Variants in LANCL1 observed in about 807,000 individuals in gnomAD.
LANCL1 encodes the protein LanC like glutathione S-transferase 1.
In LANCL1, 50 loss-of-function variants were observed where a neutral mutation model predicts 50.6. The observed-to-expected ratio is 0.99, with a 90% confidence interval of 0.79 to 1.25. LANCL1 has a LOEUF of 1.25. Ranked by LOEUF, LANCL1 falls within the 50% of genes most tolerant of loss-of-function variation. LANCL1 has a pLI of 0.00. For missense variants in LANCL1, 532 were observed against 480.7 expected (o/e 1.11, Z -1.00); for synonymous variants, 188 against 178.6 (o/e 1.05, Z -0.42).
At chr2:210,472,285 T>C (rs940121644) in intron 2 of LANCL1, among the ~76,000 whole-genome samples, 5 of 152,226 alleles carry the variant, frequency 3.3e-5, no homozygotes, top group Non-Finnish European at 7.3e-5. Flanking sequence ...ATGTTTTAAA[T>C]AAAATTTTTA....
Position 210,476,431 on chromosome 2 carries a change from A to G in LANCL1, c.-16-19T>C, listed in dbSNP as rs750949121. ...AGCAAGCCTGCAGAACAGGGGAAAA[A>G]CAGAAACTAGGTTGAGATAGGGGCC... On this transcript the variant is annotated intron_variant, in intron 1 of 9. Transcript: ENST00000450366. 5 of 1,608,278 alleles carry G rather than the reference A, an allele frequency of 3.1e-6. No individual in the cohort carries two copies. In the South Asian group the frequency reaches 5.5e-5, roughly 18 times the overall value.
At chr2:210,457,625 T>C (rs1412357272) in intron 3 of LANCL1, among the ~76,000 whole-genome samples, 2 of 152,308 alleles carry the variant, frequency 1.3e-5, no homozygotes, top group East Asian at 1.9e-4. Context: ...GAAAAAATTA[T>C]ACAGTACTGA....
chr2:210,456,115 T>A (rs552014380), intron 3 of LANCL1, among the ~76,000 whole-genome samples: 2 of 152,164 alleles, frequency 1.3e-5, no homozygotes, highest in Non-Finnish European at 2.9e-5. Context: ...GCCTTCCCTC[T>A]GAAGCTAACT....
intron 4 of LANCL1, among the ~76,000 whole-genome samples, chr2:210,445,271 A>T (rs180957501): frequency 6.6e-6 from 1 of 152,250 alleles, no homozygotes; most frequent in African/African-American, 2.4e-5. Flanking sequence ...CACGGCATTA[A>T]CTCCATTCCT....
Position 210,432,803 on chromosome 2 carries a change from G to C in LANCL1, c.*1684C>G, listed in dbSNP as rs1692791280. On this transcript the variant is annotated 3_prime_UTR_variant, in exon 10 of 10. Transcript: ENST00000450366. ...TGAAAACTTTCACAAGAAAGGCAGA[G>C]CATGCACATGCTTACCAGCAGCACT... is the stretch of plus-strand genomic sequence containing the variant. The C allele has an allele frequency of 2.6e-5, 4 of 152,322 alleles. No individual in the cohort carries two copies. The South Asian group carries it at 8.3e-4, about 32-fold the overall frequency. 9.4% of individuals were successfully genotyped at this position (152,322 alleles called of 1,614,324 possible).
At chr2:210,472,214 T>G (rs1694247465) in intron 2 of LANCL1, 138 bp from the exon 3 acceptor site, 1 of 596,200 alleles carries the variant, frequency 1.7e-6, no homozygotes, top group Non-Finnish European at 3.0e-6. Flanking sequence ...CAATTTATTT[T>G]CTATTCTTAA....
chr2:210,433,455 C>T lies in LANCL1; in HGVS notation c.*1032G>A, dbSNP rs1425464457. 6.6e-6 allele frequency: 1 copy of T among 151,990 alleles called. No individual in the cohort carries two copies. Among genetic ancestry groups the T allele is most frequent in the Non-Finnish European group, 1.5e-5 (1 of 68,016 alleles). The allele number at this position is 151,990 out of a possible 1,614,324, so 9.4% of individuals were successfully genotyped here. ...GATAGTATTCCCTTTCTCATCTCCC[C>T]TTTTTAAACAGAAGTAGAATACTGT... On this transcript the variant is annotated 3_prime_UTR_variant, in exon 10 of 10. Transcript: ENST00000450366.
intron 4 of LANCL1, among the ~76,000 whole-genome samples, chr2:210,446,099 C>T (rs1052375624): frequency 6.6e-6 from 1 of 152,210 alleles, no homozygotes; most frequent in Non-Finnish European, 1.5e-5. Flanking sequence ...CAGCACAGTG[C>T]TCGAGCTCTG....
chr2:210,461,811 G>GA (rs1228417708), intron 3 of LANCL1, among the ~76,000 whole-genome samples: 2 of 150,866 alleles, frequency 1.3e-5, no homozygotes, highest in East Asian at 1.9e-4. Flanking sequence ...TTAAGAGTGG[G>GA]AAAAAAAATG....
chr2:210,476,706 G>C lies in LANCL1; in HGVS notation c.-103C>G, dbSNP rs374407267. ...CCTCCCGCGTCCTGAAGCCCTTCTC[G>C]GCCCTGGCCTCTCACCCCGCAGCCC... On this transcript the variant is annotated 5_prime_UTR_variant, in exon 1 of 10. Coordinates refer to ENST00000450366, the MANE Select transcript of LANCL1 (RefSeq NM_006055.3). 1.2e-4 allele frequency: 142 copies of C among 1,162,136 alleles called. No individual in the cohort carries two copies. The highest frequency in any genetic ancestry group is 5.0e-4 in the East Asian group (10 of 19,914). 72.0% of individuals were successfully genotyped at this position (1,162,136 alleles called of 1,614,324 possible).
chr2:210,469,887 CAAT>C lies in LANCL1; in HGVS notation c.199+2069_199+2071del, dbSNP rs574523770. Among the ~76,000 whole-genome samples, 438 of 151,786 alleles carry C rather than the reference CAAT, an allele frequency of 2.9e-3. 5 individuals carry two copies. The highest frequency in any genetic ancestry group is 9.7e-3 in the African/African-American group (403 of 41,370). On this transcript the variant is annotated intron_variant, in intron 3 of 9. Coordinates refer to ENST00000450366, the MANE Select transcript of LANCL1 (RefSeq NM_006055.3). ...TTTCCTCCTAAAGCAAAGTAACTCA[CAAT>C]AATAATATGAGTACATGTGAATGGC... is the stretch of plus-strand genomic sequence containing the variant.
At chr2:210,475,729 C>G (rs1694336189) in intron 2 of LANCL1, among the ~76,000 whole-genome samples, 1 of 152,206 alleles carries the variant, frequency 6.6e-6, no homozygotes, top group Non-Finnish European at 1.5e-5. Flanking sequence ...ATTTTACATC[C>G]AGGTTCTCTT....
chr2:210,443,335 G>A lies in LANCL1; in HGVS notation c.408-1892C>T, dbSNP rs1016098024. 5.3e-4 allele frequency among the ~76,000 whole-genome samples: 81 copies of A among 152,290 alleles called. 1 individual carries two copies. The East Asian group carries it at 0.013, about 24-fold the overall frequency. On this transcript the variant is annotated intron_variant, in intron 4 of 9. Transcript: ENST00000450366. ...ATGTTTTGTCACATGAAATTTTGAA[G>A]TGCATCTCAATCATCCCTAAATTAG...
intron 6 of LANCL1, 77 bp from the exon 7 acceptor site, chr2:210,437,949 A>C: frequency 9.5e-7 from 1 of 1,053,542 alleles, no homozygotes; most frequent in Non-Finnish European, 1.3e-6. Flanking sequence ...TAAACCAGAA[A>C]AAAAGCATGG....
chr2:210,459,077 T>A (rs1002375338), intron 3 of LANCL1, among the ~76,000 whole-genome samples: 1 of 152,128 alleles, frequency 6.6e-6, no homozygotes, highest in African/African-American at 2.4e-5. Context: ...CTTCCCTTCA[T>A]CTTCTCTTCT....
intron 4 of LANCL1, among the ~76,000 whole-genome samples, chr2:210,452,539 C>T (rs1416265130): frequency 6.6e-6 from 1 of 152,036 alleles, no homozygotes. Flanking sequence ...CATGAACATA[C>T]ACACACACAC....
chr2:210,434,485 T>C lies in LANCL1; in HGVS notation c.*2A>G. Reference sequence around the variant, plus strand: ...GTGAGTTGCAGGTGGCATGCTATCCTTTCAGAGTTCAAATGCAGGGAACCT... The same window carrying C: ...GTGAGTTGCAGGTGGCATGCTATCCCTTCAGAGTTCAAATGCAGGGAACCT... On this transcript the variant is annotated 3_prime_UTR_variant, in exon 10 of 10. Transcript: ENST00000450366. 1 of 1,612,212 alleles carries C rather than the reference T, an allele frequency of 6.2e-7. No individual in the cohort carries two copies. Among genetic ancestry groups the C allele is most frequent in the Non-Finnish European group, 8.5e-7 (1 of 1,178,754 alleles).
At chr2:210,439,006 G>A (rs1462726657) in intron 6 of LANCL1, among the ~76,000 whole-genome samples, 2 of 152,076 alleles carry the variant, frequency 1.3e-5, no homozygotes, top group Non-Finnish European at 2.9e-5. Flanking sequence ...CTGACAATAT[G>A]ACTTCCACAA....
chr2:210,459,638 A>G (rs1256995754), intron 3 of LANCL1, among the ~76,000 whole-genome samples: 1 of 152,184 alleles, frequency 6.6e-6, no homozygotes, highest in African/African-American at 2.4e-5. Flanking sequence ...TCTGAAGACC[A>G]GGAATAGATG....
Sources: gnomAD v4.1 joint callset for allele counts (sites outside exome capture counted in the v4.1 genomes callset) on GRCh38, gnomAD v4.1.1 for gene constraint, MANE v1.5 for transcripts, NCBI Gene and HGNC (gene_info 2026-07-23, HGNC 2026-07-21) for gene names.